PUDP: variants seen among roughly 807,000 people sequenced by gnomAD.
PUDP encodes pseudouridine-5'-phosphatase.
Under a neutral mutation model 9.4 loss-of-function variants are expected in PUDP, and 8 were observed. That is an observed-to-expected ratio of 0.85 (90% confidence interval 0.50 to 1.53). PUDP has a LOEUF of 1.53. Ranked by LOEUF, PUDP falls within the 40% of genes most tolerant of loss-of-function variation. The probability of loss-of-function intolerance (pLI) is 0.00; values close to 1 mark genes in which losing one functional copy is unlikely to be tolerated. For synonymous variants in PUDP, 99 were observed against 80.7 expected (o/e 1.23, Z -1.22); for missense variants, 188 against 189.7 (o/e 0.99, Z 0.05).
chrX:7,147,462 C>T (rs954841727), intron 1 of PUDP, among the ~76,000 whole-genome samples: 1 of 111,844 alleles, frequency 8.9e-6, no homozygotes, highest in African/African-American at 3.3e-5. Flanking sequence ...TCACTCCTCG[C>T]CAGCTGTGAC....
intron 3 of PUDP, among the ~76,000 whole-genome samples, chrX:6,827,730 T>G (rs886837147): frequency 2.9e-4 from 33 of 112,127 alleles, no homozygotes; most frequent in African/African-American, 1.0e-3. Context: ...CTCTACAATC[T>G]GAAGCCACCC....
In PUDP at chrX:7,054,411, A is replaced by G. The variant is rs59997962; in HGVS notation, c.511-3939T>C. Among the ~76,000 whole-genome samples, 21 of 108,980 alleles carry G rather than the reference A, an allele frequency of 1.9e-4. No homozygotes were observed. In the East Asian group the frequency reaches 5.7e-3, roughly 30 times the overall value. 94.6% of individuals were successfully genotyped at this position (108,980 alleles called of 115,157 possible). On this transcript the variant is annotated intron_variant, in intron 3 of 3. Coordinates refer to ENST00000381077, the MANE Select transcript of PUDP (RefSeq NM_012080.5). ...GGCCACAGAGTGAGACTCCGTCTCAAAAAAAAAAAAGAAAAAAAGAGAGAA... is the reference window on the plus strand; with the variant it reads ...GGCCACAGAGTGAGACTCCGTCTCAGAAAAAAAAAAGAAAAAAAGAGAGAA...
intron 3 of PUDP, among the ~76,000 whole-genome samples, chrX:6,905,100 T>G (rs1476573965): frequency 2.7e-5 from 3 of 111,797 alleles, no homozygotes; most frequent in African/African-American, 9.7e-5. Context: ...CTTCTGAAGG[T>G]TGTATTGACA....
At chrX:7,144,503 G>A (rs1380575146) in intron 1 of PUDP, among the ~76,000 whole-genome samples, 1 of 111,606 alleles carries the variant, frequency 9.0e-6, no homozygotes, top group African/African-American at 3.3e-5. Flanking sequence ...ACTGTCTCAG[G>A]CAGCCCACAA....
At chrX:6,711,264 T>C (rs1924528995) in intron 1 of PUDP, among the ~76,000 whole-genome samples, 1 of 111,125 alleles carries the variant, frequency 9.0e-6, no homozygotes, top group Admixed American at 9.6e-5. Context: ...CATGTAGAAA[T>C]AGCATCGGAG....
intron 3 of PUDP, among the ~76,000 whole-genome samples, chrX:6,929,175 GA>G (rs1276731626): frequency 8.9e-6 from 1 of 112,392 alleles, no homozygotes; most frequent in Non-Finnish European, 1.9e-5. Context: ...TTGAATGTCA[GA>G]TAAACAACTG....
intron 3 of PUDP, among the ~76,000 whole-genome samples, chrX:6,822,382 G>GC (rs1403548709): frequency 8.9e-6 from 1 of 112,451 alleles, no homozygotes; most frequent in Non-Finnish European, 1.9e-5. Flanking sequence ...CTCCATGCCT[G>GC]CCCCCCTCTT....
At chrX:6,715,092 T>C (rs1924585117) in intron 1 of PUDP, among the ~76,000 whole-genome samples, 1 of 110,955 alleles carries the variant, frequency 9.0e-6, no homozygotes, top group African/African-American at 3.3e-5. Context: ...AACATAAATA[T>C]GTATACACAC....
At chrX:7,118,129 G>A (rs1183752936) in intron 1 of PUDP, among the ~76,000 whole-genome samples, 3 of 112,857 alleles carry the variant, frequency 2.7e-5, no homozygotes, top group Non-Finnish European at 5.6e-5. Context: ...TGTGGGCTTG[G>A]ATGCTGACAT....
intron 1 of PUDP, among the ~76,000 whole-genome samples, chrX:7,037,076 C>T (rs1188223916): frequency 9.0e-6 from 1 of 111,659 alleles, no homozygotes; most frequent in Non-Finnish European, 1.9e-5. Context: ...CGGCTGGCTC[C>T]ACCCTTTTTA....
chrX:6,706,961 GC>G (rs1924477870), intron 1 of PUDP, among the ~76,000 whole-genome samples: 1 of 111,353 alleles, frequency 9.0e-6, no homozygotes, highest in Admixed American at 9.6e-5. Context: ...TGGTATAAAA[GC>G]GTTCAAGTCT....
rs182236100 is a variant in PUDP, at chrX:6,729,187, T to C, written c.*248-22721A>G. Among the ~76,000 whole-genome samples, 815 of 111,905 alleles carry C rather than the reference T, an allele frequency of 7.3e-3. 5 individuals carry two copies. Among genetic ancestry groups the C allele is most frequent in the Middle Eastern group, 0.032 (7 of 217 alleles). ...AGCTGGGAACTGCTTAGGGCCAAAC[T>C]GCCTCCCATTCTGTTCAAAGTCACC... On this transcript the variant is annotated intron_variant and NMD_transcript_variant, in intron 3 of 3. Coordinates refer to the PUDP transcript ENST00000655425.
intron 3 of PUDP, among the ~76,000 whole-genome samples, chrX:6,879,954 A>C (rs1448386235): frequency 9.0e-6 from 1 of 110,701 alleles, no homozygotes; most frequent in Non-Finnish European, 1.9e-5. Context: ...CCTTATCTCA[A>C]GATGTTGCAT....
intron 1 of PUDP, among the ~76,000 whole-genome samples, chrX:6,714,676 A>G (rs1207027767): frequency 9.0e-6 from 1 of 111,600 alleles, no homozygotes; most frequent in Non-Finnish European, 1.9e-5. Context: ...GATGTGATAA[A>G]TAGAGATGAC....
chrX:7,094,183 C>T (rs1287730982), intron 2 of PUDP, among the ~76,000 whole-genome samples: 3 of 110,078 alleles, frequency 2.7e-5, no homozygotes, highest in East Asian at 2.8e-4. Context: ...TCTCCACATG[C>T]GCAGTGAGGT....
intron 3 of PUDP, among the ~76,000 whole-genome samples, chrX:6,825,460 A>G (rs1348484001): frequency 1.8e-5 from 2 of 111,563 alleles, no homozygotes; most frequent in Non-Finnish European, 3.8e-5. Context: ...AGTGAAAAGG[A>G]AAGGAGGTCC....
chrX:6,954,032 C>T (rs775994805), intron 3 of PUDP, among the ~76,000 whole-genome samples: 46 of 110,468 alleles, frequency 4.2e-4, no homozygotes, highest in African/African-American at 1.5e-3. Flanking sequence ...CTTTGCTCTG[C>T]GCTTCTCCTT....
chrX:7,114,225 C>T (rs997137484), intron 1 of PUDP, among the ~76,000 whole-genome samples: 3 of 111,420 alleles, frequency 2.7e-5, no homozygotes, highest in East Asian at 5.7e-4. Context: ...CAAGTGCACA[C>T]CACCATGCCT....
intron 1 of PUDP, among the ~76,000 whole-genome samples, chrX:6,986,967 C>T (rs1195788344): frequency 1.8e-5 from 2 of 112,100 alleles, no homozygotes; most frequent in Admixed American, 1.9e-4. Flanking sequence ...TTGCATGCAA[C>T]CCTCCCTCCA....
Sources: gnomAD v4.1 joint callset for allele counts (sites outside exome capture counted in the v4.1 genomes callset) on GRCh38, gnomAD v4.1.1 for gene constraint, MANE v1.5 for transcripts, NCBI Gene and HGNC (gene_info 2026-07-23, HGNC 2026-07-21) for gene names.